Variants in ZNF48 observed in about 807,000 individuals in gnomAD.
ZNF48 encodes the protein zinc finger protein 48.
Under a neutral mutation model 40.0 loss-of-function variants are expected in ZNF48, and 20 were observed. The ratio of observed to expected loss-of-function variants is 0.50; its 90% CI spans 0.35 to 0.73. The LOEUF is 0.73. ZNF48 is among the 30% of genes least tolerant of loss of function. ZNF48 has a pLI of 0.01. For synonymous variants in ZNF48, 298 were observed against 329.7 expected (o/e 0.90, Z 1.04); for missense variants, 726 against 851.9 (o/e 0.85, Z 1.84).
chr16:30,381,794 G>A lies in ZNF48; in HGVS notation c.-16+3384G>A. 2 of 1,614,118 alleles carry A rather than the reference G, an allele frequency of 1.2e-6. No individual in the cohort carries two copies. Among genetic ancestry groups the A allele is most frequent in the Non-Finnish European group, 1.7e-6 (2 of 1,180,016 alleles). On this transcript the variant is annotated intron_variant, in intron 1 of 2. Transcript: ENST00000528032. This position sits in a 1 kb window ranked among gnomAD's most constrained non-coding sequence, Gnocchi z 4.3. ...CAGTCCACTGAGTCCCCAAAGCCAG[G>A]TGTGTCCACAAGGGTCAGCTTCACT...
At chr16:30,385,096 A>C (rs1410691543) in intron 1 of ZNF48, among the ~76,000 whole-genome samples, 1 of 151,674 alleles carries the variant, frequency 6.6e-6, no homozygotes, top group Admixed American at 6.6e-5. Flanking sequence ...AATCACTTGA[A>C]CCTGGGAGGT....
At chr16:30,383,028 A>C (rs2049871483) in intron 1 of ZNF48, 1 of 544,622 alleles carries the variant, frequency 1.8e-6, no homozygotes, top group South Asian at 2.0e-5. Flanking sequence ...CAAAACATTA[A>C]AAAATTAGCC....
At chr16:30,383,095 T>C (rs1033537100) in intron 1 of ZNF48, 7 of 441,540 alleles carry the variant, frequency 1.6e-5, no homozygotes, top group Middle Eastern at 6.6e-4. Flanking sequence ...GGTGGGAGGA[T>C]TGCATGAGCC....
Position 30,399,433 on chromosome 16 carries a change from A to C in ZNF48, c.*326A>C, listed in dbSNP as rs1335235650. 4.4e-6 allele frequency: 1 copy of C among 227,956 alleles called. No individual in the cohort carries two copies. Among genetic ancestry groups the C allele is most frequent in the African/African-American group, 2.3e-5 (1 of 44,120 alleles). 14.1% of individuals were successfully genotyped at this position (227,956 alleles called of 1,614,324 possible). On this transcript the variant is annotated 3_prime_UTR_variant, in exon 3 of 3. Transcript: ENST00000613509. ...TAAATTCCTGCTGCCTCATCTGTTA[A>C]GAACTGACACTTTCCCCTTGCTGGG...
chr16:30,379,243 T>TA (rs1185225516), intron 1 of ZNF48: 1 of 1,597,478 alleles, frequency 6.3e-7, no homozygotes, highest in African/African-American at 1.3e-5. Flanking sequence ...AACCCACCCG[T>TA]AAGGGTCGGG....
chr16:30,389,053 G>A (rs1401513094), intron 1 of ZNF48, among the ~76,000 whole-genome samples: 1 of 152,146 alleles, frequency 6.6e-6, no homozygotes, highest in African/African-American at 2.4e-5. Context: ...GAGATCAGGA[G>A]TTCGAGACTA....
At chr16:30,378,438 A>T (rs2049781687) in intron 1 of ZNF48, 1 of 1,570,228 alleles carries the variant, frequency 6.4e-7, no homozygotes. Flanking sequence ...GTGGCCTCAG[A>T]GGGCGTCTGA....
chr16:30,390,020 T>C (rs2049931181), intron 1 of ZNF48, among the ~76,000 whole-genome samples: 1 of 151,638 alleles, frequency 6.6e-6, no homozygotes, highest in African/African-American at 2.4e-5. Context: ...ATGGGGTCAC[T>C]ATGTTGGCCA....
Position 30,397,460 on chromosome 16 carries a change from A to G in ZNF48, c.210A>G (p.Glu70=), listed in dbSNP as rs774885243. The G allele has an allele frequency of 1.2e-6, 2 of 1,614,042 alleles. No individual in the cohort carries two copies. Among genetic ancestry groups the G allele is most frequent in the Admixed American group, 1.7e-5 (1 of 59,990 alleles). ...TAGGAAATGCCTCTCTCAAACCTGA[A>G]GGCATCCAGAACTGGGATGACTTAT... ...HEVGNASLKP[E]GIQNWDDLWV... The change falls in exon 3 of 3, where the codon GAA becomes GAG. Residue 70 remains glutamate (E), a synonymous_variant. Transcript: ENST00000613509. The surrounding 1 kb of genome is among the most constrained non-coding windows in gnomAD (Gnocchi z 4.1).
At position 30,398,947 on chromosome 16, in the gene ZNF48, C is replaced by T. The variant is rs146459124; in HGVS notation, c.1697C>T (p.Thr566Met). 13 of 1,613,824 alleles carry T rather than the reference C, an allele frequency of 8.1e-6. No individual in the cohort carries two copies. The highest frequency in any genetic ancestry group is 2.2e-5 in the East Asian group (1 of 44,886). The change falls in exon 3 of 3, where the codon ACG (threonine) becomes ATG (methionine). Residue 566 changes from threonine to methionine, a missense_variant. Physicochemically the swap from Thr to Met is moderately conservative, Grantham distance 81 (BLOSUM62 -1). Transcript: ENST00000613509. The surrounding 1 kb of genome is among the most constrained non-coding windows in gnomAD (Gnocchi z 6.6). Reference protein sequence around the residue: ...SDLVKHRRTHTGEKPYKCAEC... With the variant: ...SDLVKHRRTHMGEKPYKCAEC... ...CTGGTCAAACACAGGCGTACACACACGGGGGAGAAGCCATACAAGTGTGCA... is the reference window on the plus strand; with the variant it reads ...CTGGTCAAACACAGGCGTACACACATGGGGGAGAAGCCATACAAGTGTGCA...
At chr16:30,396,476 C>G (rs1362976512) in intron 2 of ZNF48, among the ~76,000 whole-genome samples, 1 of 152,136 alleles carries the variant, frequency 6.6e-6, no homozygotes, top group Non-Finnish European at 1.5e-5. Flanking sequence ...TCTTATCTCT[C>G]CTACCACCCT....
In ZNF48 at chr16:30,399,527, G is replaced by GT. The variant is rs2050031292; in HGVS notation, c.*423dup. On this transcript the variant is annotated 3_prime_UTR_variant, in exon 3 of 3. Transcript: ENST00000613509. Reference sequence around the variant, plus strand: ...GTGGGAGAATCACTTGAGCCCAAAAGTTTGAGGCTGCAGTGAGCTGATTGC... The same window carrying GT: ...GTGGGAGAATCACTTGAGCCCAAAAGTTTTGAGGCTGCAGTGAGCTGATTGC... The GT allele has an allele frequency of 6.3e-6, 1 of 158,192 alleles. No homozygotes were observed. The highest frequency in any genetic ancestry group is 1.4e-5 in the Non-Finnish European group (1 of 72,162). The allele number at this position is 158,192 out of a possible 1,614,324, so 9.8% of individuals were successfully genotyped here.
At chr16:30,380,288 C>G (rs1348193809) in intron 1 of ZNF48, 1 of 241,516 alleles carries the variant, frequency 4.1e-6, no homozygotes, top group Non-Finnish European at 8.1e-6. Context: ...TAGCTAGATC[C>G]CATCTCTACA....
chr16:30,395,184 GAC>G, upstream of ZNF48: 2 of 455,224 alleles, frequency 4.4e-6, no homozygotes, highest in Non-Finnish European at 8.8e-6. This position sits in a 1 kb window ranked among gnomAD's most constrained non-coding sequence, Gnocchi z 5.9. Context: ...GGTGGCTGGA[GAC>G]ACACAGCCAC....
At chr16:30,379,425 CCTCA>C in intron 1 of ZNF48, 1 of 1,611,704 alleles carries the variant, frequency 6.2e-7, no homozygotes, top group Non-Finnish European at 8.5e-7. Context: ...CCCTGCCTGG[CCTCA>C]CTCACCCTCC....
chr16:30,397,928 C>G lies in ZNF48; in HGVS notation c.678C>G (p.Gly226=), dbSNP rs957421508. 1 of 1,613,040 alleles carries G rather than the reference C, an allele frequency of 6.2e-7. No homozygotes were observed. Among genetic ancestry groups the G allele is most frequent in the African/African-American group, 1.3e-5 (1 of 74,910 alleles). ...GEKPYKCGIC[G]KGFGDSSARI... is the part of the protein sequence containing the mutation. ...AGCCCTACAAGTGTGGCATATGTGG[C>G]AAGGGCTTTGGCGACAGTTCCGCCC... The change falls in exon 3 of 3, where the codon GGC becomes GGG. Residue 226 remains glycine, a synonymous_variant. Coordinates refer to ENST00000613509, the MANE Select transcript of ZNF48 (RefSeq NM_001214909.2). The surrounding 1 kb of genome is among the most constrained non-coding windows in gnomAD (Gnocchi z 4.1).
chr16:30,395,948 C>A lies in ZNF48; in HGVS notation c.79+75C>A, dbSNP rs13333093. ...ACTGCGATGCTTGGCTGTGGCCGGCCGAGATCCTGGAAGATCGGACGTGAG... is the reference window on the plus strand; with the variant it reads ...ACTGCGATGCTTGGCTGTGGCCGGCAGAGATCCTGGAAGATCGGACGTGAG... On this transcript the variant is annotated intron_variant, in intron 2 of 2. Transcript: ENST00000613509. This position sits in a 1 kb window ranked among gnomAD's most constrained non-coding sequence, Gnocchi z 5.9. The A allele has an allele frequency of 0.62, 864,638 of 1,386,968 alleles. 273,619 individuals are homozygous for A. The highest frequency in any genetic ancestry group is 0.89 in the East Asian group (31,892 of 35,798). The allele number at this position is 1,386,968 out of a possible 1,614,324, so 85.9% of individuals were successfully genotyped here.
rs2050010924 is a variant in ZNF48, at chr16:30,398,355, A to G, written c.1105A>G (p.Ser369Gly). 1.2e-6 allele frequency: 2 copies of G among 1,613,004 alleles called. No homozygotes were observed. Among genetic ancestry groups the G allele is most frequent in the East Asian group, 2.2e-5 (1 of 44,740 alleles). ...CTGCCCGGAATGCGACCGTACCTTCAGCCTCAGCTCCACCCTTCTTCGCCA... is the reference window on the plus strand; with the variant it reads ...CTGCCCGGAATGCGACCGTACCTTCGGCCTCAGCTCCACCCTTCTTCGCCA... ...HACPECDRTF[S>G]LSSTLLRHRL... The change falls in exon 3 of 3, where the codon AGC (serine) becomes GGC (glycine). Residue 369 changes from serine to glycine, a missense_variant. This residue lies in a region of ZNF48 where 378 missense variants were observed against 449.1 expected (regional missense o/e 0.84). Transcript: ENST00000613509. The surrounding 1 kb of genome is among the most constrained non-coding windows in gnomAD (Gnocchi z 6.6).
chr16:30,381,693 T>G lies in ZNF48; in HGVS notation c.-16+3283T>G. 6.3e-7 allele frequency: 1 copy of G among 1,596,052 alleles called. No individual in the cohort carries two copies. On this transcript the variant is annotated intron_variant, in intron 1 of 2. Transcript: ENST00000528032. The surrounding 1 kb of genome is among the most constrained non-coding windows in gnomAD (Gnocchi z 4.3). The stretch of plus-strand genomic sequence containing the variant: ...GAGATAGGGAGCCAGCACAAACCAG[T>G]CCTGTAACTCTCCAGGGAGTCGCCA...
Sources: allele counts gnomAD v4.1 joint callset (sites outside exome capture counted in the v4.1 genomes callset), GRCh38; gene constraint gnomAD v4.1.1; regional missense constraint gnomAD v4.1.1; non-coding constraint Gnocchi (gnomAD v3.1); transcripts MANE v1.5; gene names NCBI Gene and HGNC (gene_info 2026-07-23, HGNC 2026-07-21).